The following CTNND2 variants were observed in gnomAD, a reference collection of about 807,000 sequenced individuals.
CTNND2 encodes catenin delta-2.
A neutral mutation model predicts 144.4 loss-of-function variants in CTNND2; 22 were observed. The observed-to-expected ratio is 0.15, with a 90% CI of 0.11 to 0.22. The LOEUF (loss-of-function observed/expected upper bound fraction) is 0.22. Ranked by LOEUF, CTNND2 falls within the 10% of genes least tolerant of loss-of-function variation. The pLI, the probability that CTNND2 is intolerant of heterozygous loss-of-function variation, is 1.00. For missense variants in CTNND2, 1,353 were observed against 1,618.8 expected (o/e 0.84, Z 2.82); for synonymous variants, 751 against 695.6 (o/e 1.08, Z -1.25).
At chr5:11,632,870 A>G (rs1289121904) in intron 2 of CTNND2, among the ~76,000 whole-genome samples, 1 of 152,208 alleles carries the variant, frequency 6.6e-6, no homozygotes, top group East Asian at 1.9e-4. Context: ...AGAGCTCACT[A>G]GAGGGAATCC....
chr5:11,070,486 T>A (rs554496794), intron 16 of CTNND2, among the ~76,000 whole-genome samples: 1 of 152,228 alleles, frequency 6.6e-6, no homozygotes, highest in South Asian at 2.1e-4. Context: ...TACAGGACAA[T>A]ATCATGTAGT....
chr5:11,617,436 G>T (rs1780632186), intron 2 of CTNND2, among the ~76,000 whole-genome samples: 1 of 152,110 alleles, frequency 6.6e-6, no homozygotes, highest in Admixed American at 6.6e-5. Flanking sequence ...CTTCTATGTT[G>T]CCATATTTTA....
intron 11 of CTNND2, among the ~76,000 whole-genome samples, chr5:11,192,886 C>A (rs1736451473): frequency 6.6e-6 from 1 of 152,162 alleles, no homozygotes; most frequent in African/African-American, 2.4e-5. Flanking sequence ...CCACTGACAC[C>A]CTAGGCAAAC....
At chr5:11,456,988 TAAC>T (rs1244648462) in intron 3 of CTNND2, among the ~76,000 whole-genome samples, 4 of 152,162 alleles carry the variant, frequency 2.6e-5, no homozygotes, top group African/African-American at 4.8e-5. Flanking sequence ...AACTGTAAAA[TAAC>T]AACAATAATA....
At chr5:11,060,923 C>T (rs1403947546) in intron 16 of CTNND2, among the ~76,000 whole-genome samples, 1 of 152,120 alleles carries the variant, frequency 6.6e-6, no homozygotes, top group Non-Finnish European at 1.5e-5. Context: ...TGTTTCTGTA[C>T]TTAGAGATTA....
intron 6 of CTNND2, among the ~76,000 whole-genome samples, chr5:11,396,062 G>A (rs768888319): frequency 4.0e-5 from 6 of 151,834 alleles, no homozygotes; most frequent in Non-Finnish European, 7.3e-5. Flanking sequence ...AGAGCCAGTG[G>A]TGCATAGTGA....
At chr5:11,491,965 A>G (rs1265615515) in intron 3 of CTNND2, among the ~76,000 whole-genome samples, 1 of 152,206 alleles carries the variant, frequency 6.6e-6, no homozygotes, top group Non-Finnish European at 1.5e-5. Context: ...CTTAGCAAAA[A>G]TATTTTCAAG....
At chr5:11,295,144 C>CA (rs1748774104) in intron 9 of CTNND2, among the ~76,000 whole-genome samples, 1 of 152,134 alleles carries the variant, frequency 6.6e-6, no homozygotes, top group Non-Finnish European at 1.5e-5. Context: ...TCTCAGGATA[C>CA]AAAATCAATG....
chr5:11,839,681 A>G (rs1794352046), intron 1 of CTNND2, among the ~76,000 whole-genome samples: 1 of 152,098 alleles, frequency 6.6e-6, no homozygotes, highest in African/African-American at 2.4e-5. Flanking sequence ...TGAGGTCTCT[A>G]CAAGACACTA....
At chr5:11,035,554 A>C (rs367953094) in intron 16 of CTNND2, among the ~76,000 whole-genome samples, 92 of 152,304 alleles carry the variant, frequency 6.0e-4, no homozygotes, top group African/African-American at 1.8e-3. Flanking sequence ...CCCCTTGGCC[A>C]CGTAAGGTGG....
Position 10,988,014 on chromosome 5 carries a change from A to G in CTNND2, c.3343+97T>C. 6.6e-7 allele frequency: 1 copy of G among 1,524,614 alleles called. No individual in the cohort carries two copies. The highest frequency in any genetic ancestry group is 1.2e-5 in the South Asian group (1 of 80,312). The allele number at this position is 1,524,614 out of a possible 1,614,324, so 94.4% of individuals were successfully genotyped here. On this transcript the variant is annotated intron_variant, in intron 20 of 21. Transcript: ENST00000304623. This position sits in a 1 kb window ranked among gnomAD's most constrained non-coding sequence, Gnocchi z 5.9. Reference sequence around the variant, plus strand: ...GCTGCTAAGTCCTGCTCAGCAGCCAAGCGCAGCCAGCCCCGTGAAGCCTGA... The same window carrying G: ...GCTGCTAAGTCCTGCTCAGCAGCCAGGCGCAGCCAGCCCCGTGAAGCCTGA...
At chr5:11,757,632 T>C (rs1296215498) in intron 1 of CTNND2, among the ~76,000 whole-genome samples, 1 of 151,972 alleles carries the variant, frequency 6.6e-6, no homozygotes, top group Non-Finnish European at 1.5e-5. Context: ...TGAGTCGTCA[T>C]TTAAATTTTT....
intron 11 of CTNND2, among the ~76,000 whole-genome samples, chr5:11,183,214 A>G (rs1580519501): frequency 2.0e-5 from 3 of 152,374 alleles, no homozygotes; most frequent in Non-Finnish European, 2.9e-5. Flanking sequence ...AAATTATTAA[A>G]TTGATAGACT....
chr5:11,339,919 A>G (rs73742804), intron 9 of CTNND2, among the ~76,000 whole-genome samples: 2,146 of 152,354 alleles, frequency 0.014, 52 homozygotes, highest in African/African-American at 0.048. Context: ...CAGCAGCCCT[A>G]AGAAATTAAT....
chr5:11,556,151 C>T (rs1346742438), intron 3 of CTNND2, among the ~76,000 whole-genome samples: 1 of 151,966 alleles, frequency 6.6e-6, no homozygotes, highest in Non-Finnish European at 1.5e-5. Context: ...TAAAAAATTT[C>T]CAAAAAAATG....
intron 9 of CTNND2, among the ~76,000 whole-genome samples, chr5:11,301,478 T>C (rs1169079947): frequency 6.6e-6 from 1 of 152,192 alleles, no homozygotes; most frequent in Non-Finnish European, 1.5e-5. Context: ...AACTGTATCA[T>C]GTTTTAGACT....
At chr5:11,273,922 CT>C (rs1746265744) in intron 9 of CTNND2, among the ~76,000 whole-genome samples, 1 of 152,198 alleles carries the variant, frequency 6.6e-6, no homozygotes, top group African/African-American at 2.4e-5. Flanking sequence ...AAGTTTAGCA[CT>C]GGAAAAACAC....
At chr5:11,365,468 T>G (rs1756889025) in intron 7 of CTNND2, among the ~76,000 whole-genome samples, 1 of 152,246 alleles carries the variant, frequency 6.6e-6, no homozygotes, top group African/African-American at 2.4e-5. Context: ...TTTCCTTTAC[T>G]CTGACCCTCT....
At chr5:11,129,861 C>G (rs898712231) in intron 12 of CTNND2, among the ~76,000 whole-genome samples, 1 of 152,052 alleles carries the variant, frequency 6.6e-6, no homozygotes, top group Admixed American at 6.6e-5. Flanking sequence ...CAGTATTACC[C>G]GCATTAGGAT....
Sources: allele counts gnomAD v4.1 joint callset (sites outside exome capture counted in the v4.1 genomes callset), GRCh38; gene constraint gnomAD v4.1.1; non-coding constraint Gnocchi (gnomAD v3.1); transcripts MANE v1.5; gene names NCBI Gene and HGNC (gene_info 2026-07-23, HGNC 2026-07-21).